The following MRC1 variants were observed in gnomAD, a reference collection of about 807,000 sequenced individuals.
The protein encoded by MRC1 is mannose receptor C-type 1.
A neutral mutation model predicts 102.9 loss-of-function variants in MRC1; 62 were observed. That is an observed-to-expected ratio of 0.60 (90% confidence interval 0.49 to 0.74). The LOEUF (loss-of-function observed/expected upper bound fraction) is 0.74. Ranked by LOEUF, MRC1 falls within the 30% of genes least tolerant of loss-of-function variation. MRC1 has a pLI of 0.00. For synonymous variants in MRC1, 457 were observed against 298.4 expected (o/e 1.53, Z -5.48); for missense variants, 1,237 against 862.8 (o/e 1.43, Z -5.43).
chr10:17,859,445 G>A (rs974872596), intron 9 of MRC1, among the ~76,000 whole-genome samples: 22 of 152,180 alleles, frequency 1.4e-4, no homozygotes, highest in African/African-American at 5.3e-4. Context: ...AGCCTCCCAA[G>A]TAGCTGGGAC....
Position 17,855,109 on chromosome 10 carries a change from G to C in MRC1, c.1408-1133G>C, listed in dbSNP as rs896273775. On this transcript the variant is annotated intron_variant, in intron 8 of 29. Coordinates refer to ENST00000569591, the MANE Select transcript of MRC1 (RefSeq NM_002438.4). The stretch of plus-strand genomic sequence containing the variant: ...AATCTGAAATAAAGTGGAAGGTTGA[G>C]CCTCAGATCCAGGGGAGCACTCATC... Among the ~76,000 whole-genome samples, 144 of 152,334 alleles carry C rather than the reference G, an allele frequency of 9.5e-4. 1 individual carries two copies. Among genetic ancestry groups the C allele is most frequent in the African/African-American group, 3.2e-3 (132 of 41,578 alleles).
intron 22 of MRC1, among the ~76,000 whole-genome samples, chr10:17,891,566 T>A (rs1456421294): frequency 3.3e-5 from 5 of 152,102 alleles, no homozygotes; most frequent in Non-Finnish European, 5.9e-5. Flanking sequence ...TCCACCCCAG[T>A]CTGTGGAAAG....
In MRC1 at chr10:17,907,765, A is replaced by G. The variant is rs929053933; in HGVS notation, c.4078+67A>G. On this transcript the variant is annotated intron_variant, in intron 28 of 29. Transcript: ENST00000569591. ...CATTTCTTTCAAATAGTAAGATATC[A>G]GGTATGGAATCATAATGTGATTACG... 237 of 773,776 alleles carry G rather than the reference A, an allele frequency of 3.1e-4. No homozygotes were observed. The African/African-American group carries it at 3.4e-3, about 11-fold the overall frequency. The allele number at this position is 773,776 out of a possible 1,614,324, so 47.9% of individuals were successfully genotyped here.
At chr10:17,910,184 C>T (rs964906605) in intron 29 of MRC1, 31 bp from the exon 30 acceptor site, 25 of 780,302 alleles carry the variant, frequency 3.2e-5, no homozygotes, top group African/African-American at 1.2e-4. Flanking sequence ...CCTCCCTCCA[C>T]GTTTTCCATA....
intron 3 of MRC1, among the ~76,000 whole-genome samples, chr10:17,832,644 G>C (rs1838593505): frequency 6.7e-6 from 1 of 149,698 alleles, no homozygotes; most frequent in Non-Finnish European, 1.5e-5. Flanking sequence ...CTGGAGTGCA[G>C]TGACGCGATC....
chr10:17,887,423 C>CA (rs1414576877), intron 22 of MRC1, among the ~76,000 whole-genome samples: 2 of 151,988 alleles, frequency 1.3e-5, no homozygotes, highest in Non-Finnish European at 2.9e-5. Context: ...AACAAACAAA[C>CA]AAAAAACTGG....
At position 17,876,284 on chromosome 10, in the gene MRC1, G is replaced by A. The variant is rs1247780225; in HGVS notation, c.2550+1031G>A. Among the ~76,000 whole-genome samples, 6 of 147,184 alleles carry A rather than the reference G, an allele frequency of 4.1e-5. No individual in the cohort carries two copies. In the East Asian group the frequency reaches 1.2e-3, roughly 29 times the overall value. ...TTTTTCTGAGACAGTGTCTTGCTCT[G>A]TCGCCCAGGCTGGAGTGCAGTGGTG... is the stretch of plus-strand genomic sequence containing the variant. On this transcript the variant is annotated intron_variant, in intron 17 of 29. Transcript: ENST00000569591.
At position 17,856,273 on chromosome 10, in the gene MRC1, G is replaced by A; in HGVS notation, c.1439G>A (p.Trp480Ter). The A allele has an allele frequency of 1.2e-6, 1 of 867,278 alleles. No homozygotes were observed. Among genetic ancestry groups the A allele is most frequent in the Non-Finnish European group, 2.0e-6 (1 of 499,370 alleles). The allele number at this position is 867,278 out of a possible 1,614,324, so 53.7% of individuals were successfully genotyped here. ...TACTGGGCAGATCGGGGCTGTGAGT[G>A]GCCTCTTGGCTACATCTGCAAGATG... is the stretch of plus-strand genomic sequence containing the variant. ...DGYWADRGCE[W>*]PLGYICKMKS... Residue 480 changes from tryptophan (W) to a stop codon, truncating the protein, a stop_gained, in exon 9 of 30, where the codon TGG (tryptophan) becomes TAG (stop). Transcript: ENST00000569591. LOFTEE classifies it high-confidence loss of function.
intron 5 of MRC1, 57 bp from the exon 6 acceptor site, chr10:17,845,232 T>A (rs782286901): frequency 1.3e-6 from 1 of 780,758 alleles, no homozygotes; most frequent in Non-Finnish European, 2.4e-6. Context: ...GTGGGAGGGA[T>A]GCTATCTGCT....
intron 3 of MRC1, among the ~76,000 whole-genome samples, chr10:17,831,133 T>G (rs1203151378): frequency 6.6e-6 from 1 of 150,550 alleles, no homozygotes; most frequent in Non-Finnish European, 1.5e-5. Flanking sequence ...CCTAACCTTG[T>G]GATCCGCCCA....
At chr10:17,895,757 G>A (rs933470522) in intron 23 of MRC1, among the ~76,000 whole-genome samples, 1,689 of 152,312 alleles carry the variant, frequency 0.011, 15 homozygotes, top group Non-Finnish European at 0.017. Context: ...GGCTTACCCC[G>A]GGAGGGTTCT....
At chr10:17,905,073 G>A (rs1833878270) in intron 26 of MRC1, among the ~76,000 whole-genome samples, 1 of 152,120 alleles carries the variant, frequency 6.6e-6, no homozygotes, top group African/African-American at 2.4e-5. Flanking sequence ...TTGCGAGTGG[G>A]GTTTTCTAGG....
intron 11 of MRC1, among the ~76,000 whole-genome samples, chr10:17,864,680 T>C (rs1170142933): frequency 6.6e-6 from 1 of 151,796 alleles, no homozygotes; most frequent in East Asian, 1.9e-4. Flanking sequence ...AATACAAAAA[T>C]TAGCCAAGTG....
At chr10:17,832,485 G>A (rs1204192865) in intron 3 of MRC1, among the ~76,000 whole-genome samples, 3 of 150,172 alleles carry the variant, frequency 2.0e-5, no homozygotes, top group Non-Finnish European at 4.4e-5. Context: ...AACCCGGGAG[G>A]CGGAGCTTGC....
Position 17,875,076 on chromosome 10 carries a change from C to T in MRC1, c.2387-14C>T. ...CTGCATAAAACTCATTGCCTTTTCT[C>T]ATTAACTTTTCAGATCCACCAGTTA... On this transcript the variant is annotated splice_polypyrimidine_tract_variant and intron_variant, in intron 16 of 29. Transcript: ENST00000569591. The T allele has an allele frequency of 2.6e-6, 2 of 780,766 alleles. No individual in the cohort carries two copies. The highest frequency in any genetic ancestry group is 1.3e-5 in the South Asian group (1 of 74,596). The allele number at this position is 780,766 out of a possible 1,614,324, so 48.4% of individuals were successfully genotyped here.
At chr10:17,834,567 C>T (rs1282840604) in intron 4 of MRC1, among the ~76,000 whole-genome samples, 3 of 152,132 alleles carry the variant, frequency 2.0e-5, no homozygotes, top group Non-Finnish European at 4.4e-5. Flanking sequence ...TGCTTGCCAC[C>T]ATGCCCAGCT....
chr10:17,812,238 C>T (rs1252841790), intron 1 of MRC1, among the ~76,000 whole-genome samples: 2 of 152,132 alleles, frequency 1.3e-5, no homozygotes, highest in African/African-American at 2.4e-5. Flanking sequence ...GTTGTTCTTG[C>T]CGCACTATCT....
intron 8 of MRC1, 25 bp from the exon 9 acceptor site, chr10:17,856,217 T>C: frequency 1.2e-6 from 1 of 827,986 alleles, no homozygotes; most frequent in Middle Eastern, 2.2e-4. Flanking sequence ...TCCTTTATTT[T>C]TTTCTCTCTC....
At chr10:17,829,228 A>C (rs912024681) in intron 3 of MRC1, among the ~76,000 whole-genome samples, 4 of 151,632 alleles carry the variant, frequency 2.6e-5, no homozygotes, top group African/African-American at 9.8e-5. Flanking sequence ...ACAAGTAATC[A>C]CACTATTTCA....
Sources: allele counts gnomAD v4.1 joint callset (sites outside exome capture counted in the v4.1 genomes callset), GRCh38; gene constraint gnomAD v4.1.1; transcripts MANE v1.5; gene names NCBI Gene and HGNC (gene_info 2026-07-23, HGNC 2026-07-21).